LINGO1: variants seen among roughly 807,000 people sequenced by gnomAD.
LINGO1 encodes the protein leucine rich repeat and Ig domain containing 1, also known as leucine-rich repeat and immunoglobulin-like domain-containing nogo receptor-interacting protein 1.
A neutral mutation model predicts 37.3 loss-of-function variants in LINGO1; 11 were observed. The ratio of observed to expected loss-of-function variants is 0.29; its 90% CI spans 0.19 to 0.49. The LOEUF is 0.49. LINGO1 is among the 20% of genes least tolerant of loss of function. The pLI, the probability that LINGO1 is intolerant of heterozygous loss-of-function variation, is 0.99. For synonymous variants in LINGO1, 387 were observed against 403.0 expected (o/e 0.96, Z 0.48); for missense variants, 585 against 878.2 (o/e 0.67, Z 4.22).
intron 1 of LINGO1, among the ~76,000 whole-genome samples, chr15:77,617,011 C>T (rs1001775065): frequency 4.6e-5 from 7 of 152,190 alleles, no homozygotes; most frequent in African/African-American, 1.7e-4. Flanking sequence ...CAGATTCCCA[C>T]AGGCCAGGAT....
At chr15:77,712,931 C>T (rs757511525) in intron 2 of LINGO1, among the ~76,000 whole-genome samples, 2 of 152,192 alleles carry the variant, frequency 1.3e-5, no homozygotes, top group Non-Finnish European at 2.9e-5. Flanking sequence ...CCTGTCTCTC[C>T]CTCTTTTCTG....
chr15:77,694,116 T>C (rs1041761565), intron 1 of LINGO1, among the ~76,000 whole-genome samples: 1 of 152,144 alleles, frequency 6.6e-6, no homozygotes, highest in Non-Finnish European at 1.5e-5. Flanking sequence ...ATTTCTGCCA[T>C]GAGCTTCTTC....
chr15:77,698,080 A>G (rs1233237021), upstream of LINGO1, among the ~76,000 whole-genome samples: 5 of 152,066 alleles, frequency 3.3e-5, no homozygotes, highest in Admixed American at 3.3e-4. Context: ...GGACAGGAGG[A>G]AGTGAGTTAG....
At position 77,761,929 on chromosome 15, in the gene LINGO1, TG is replaced by T. The variant is rs1726686135; in HGVS notation, c.-257+24939del. On this transcript the variant is annotated intron_variant, in intron 1 of 3. Coordinates refer to the LINGO1 transcript ENST00000561686. ...CCATCTGTGGAGTGGACATGAGTGA[TG>T]GAGTGAGGCCGGGATGTGATGTGCA... Among the ~76,000 whole-genome samples, 5 of 152,210 alleles carry T rather than the reference TG, an allele frequency of 3.3e-5. No homozygotes were observed. The South Asian group carries it at 8.3e-4, about 25-fold the overall frequency.
In LINGO1 at chr15:77,747,354, T is replaced by C. The variant is rs539207038; in HGVS notation, c.-256-12301A>G. The stretch of plus-strand genomic sequence containing the variant: ...GGGGGTGGGGTGGGTGCTGTCTTAA[T>C]GAACAGATAAGATCCATCATGCTCA... On this transcript the variant is annotated intron_variant, in intron 1 of 3. Coordinates refer to the LINGO1 transcript ENST00000561686. Among the ~76,000 whole-genome samples, 5 of 152,220 alleles carry C rather than the reference T, an allele frequency of 3.3e-5. No individual in the cohort carries two copies. In the East Asian group the frequency reaches 9.7e-4, roughly 29 times the overall value.
intron 3 of LINGO1, among the ~76,000 whole-genome samples, chr15:77,644,164 G>A (rs975797321): frequency 6.6e-6 from 1 of 152,216 alleles, no homozygotes; most frequent in African/African-American, 2.4e-5. Context: ...TTGTGTTGTC[G>A]AACTCTGTGG....
Position 77,718,401 on chromosome 15 carries a change from C to T in LINGO1, c.-195+16591G>A, listed in dbSNP as rs550888946. Among the ~76,000 whole-genome samples the T allele has an allele frequency of 2.0e-3, 309 of 151,098 alleles. 2 individuals are homozygous for T. The highest frequency in any genetic ancestry group is 7.2e-3 in the African/African-American group (300 of 41,524). Reference sequence around the variant, plus strand: ...GCATGTGATATGCACACAGCGCCCACATGTATACACACACGTGTCAACATG... The same window carrying T: ...GCATGTGATATGCACACAGCGCCCATATGTATACACACACGTGTCAACATG... On this transcript the variant is annotated intron_variant, in intron 2 of 3. Coordinates refer to the LINGO1 transcript ENST00000561686.
At chr15:77,725,896 G>A (rs1596159981) in intron 2 of LINGO1, among the ~76,000 whole-genome samples, 2 of 152,198 alleles carry the variant, frequency 1.3e-5, no homozygotes, top group Non-Finnish European at 2.9e-5. Context: ...TAGAGCGGCC[G>A]CCCCACCACT....
chr15:77,672,226 C>G (rs767702660), intron 3 of LINGO1, among the ~76,000 whole-genome samples: 3 of 151,410 alleles, frequency 2.0e-5, no homozygotes, highest in Non-Finnish European at 4.4e-5. Context: ...CTCTCAAGCC[C>G]GGGGGGAAGC....
chr15:77,761,478 C>T (rs2076476598), intron 1 of LINGO1, among the ~76,000 whole-genome samples: 1 of 152,182 alleles, frequency 6.6e-6, no homozygotes, highest in Admixed American at 6.5e-5. Context: ...GACATAACAA[C>T]CAGTTTAAAG....
In LINGO1 at chr15:77,632,477, T is replaced by C; in HGVS notation, c.-162A>G. ...GCCCTCGCGGGGCTGGCTGTCCGTC[T>C]GTCCGCCCCGCGCGGGCGGGAGCCG... On this transcript the variant is annotated 5_prime_UTR_variant, in exon 1 of 2. Transcript: ENST00000355300. This position sits in a 1 kb window ranked among gnomAD's most constrained non-coding sequence, Gnocchi z 6.0. The C allele has an allele frequency of 3.0e-6, 2 of 658,354 alleles. No individual in the cohort carries two copies. Among genetic ancestry groups the C allele is most frequent in the Non-Finnish European group, 4.2e-6 (2 of 475,140 alleles). The allele number at this position is 658,354 out of a possible 1,614,324, so 40.8% of individuals were successfully genotyped here.
chr15:77,686,570 C>A (rs562864987), intron 2 of LINGO1, among the ~76,000 whole-genome samples: 1 of 152,204 alleles, frequency 6.6e-6, no homozygotes, highest in South Asian at 2.1e-4. Flanking sequence ...CAGCCCAGTG[C>A]CCCCACCGTC....
chr15:77,711,762 C>T (rs966615463), intron 2 of LINGO1, among the ~76,000 whole-genome samples: 7 of 152,166 alleles, frequency 4.6e-5, no homozygotes, highest in South Asian at 4.1e-4. Flanking sequence ...AGGCAACAGG[C>T]GGCTCTGGAA....
At chr15:77,789,910 C>G (rs760167970), upstream of LINGO1, among the ~76,000 whole-genome samples, 1 of 152,106 alleles carries the variant, frequency 6.6e-6, no homozygotes, top group Non-Finnish European at 1.5e-5. Flanking sequence ...TAGCTGGGAC[C>G]ACAGGTGTGT....
chr15:77,745,824 G>T (rs879455189), intron 1 of LINGO1, among the ~76,000 whole-genome samples: 4 of 152,168 alleles, frequency 2.6e-5, no homozygotes, highest in Admixed American at 2.6e-4. Context: ...CCTCTAGCAG[G>T]GATGGATGTT....
At chr15:77,624,647 G>A (rs1056692324) in intron 1 of LINGO1, among the ~76,000 whole-genome samples, 4 of 152,184 alleles carry the variant, frequency 2.6e-5, no homozygotes, top group African/African-American at 7.2e-5. Flanking sequence ...AGTGAGAGTC[G>A]GGCAGGGCTG....
chr15:77,641,811 T>C (rs2074513076), intron 3 of LINGO1: 1 of 455,030 alleles, frequency 2.2e-6, no homozygotes, highest in South Asian at 1.6e-5. Flanking sequence ...AGATAGCAGC[T>C]GGACAAACCT....
At chr15:77,698,533 G>C (rs963547426), upstream of LINGO1, among the ~76,000 whole-genome samples, 5 of 152,154 alleles carry the variant, frequency 3.3e-5, no homozygotes, top group Non-Finnish European at 7.3e-5. Flanking sequence ...CACCAGGCAG[G>C]AGCTGTGGAA....
At position 77,632,379 on chromosome 15, in the gene LINGO1, C is replaced by T; in HGVS notation, c.-64G>A. ...TCGCATGTCTCTCCAGCCGGCCCGA[C>T]CAGGCCCCAGCCCCTGCCCAGCCCC... On this transcript the variant is annotated 5_prime_UTR_variant, in exon 1 of 2. Coordinates refer to ENST00000355300, the MANE Select transcript of LINGO1 (RefSeq NM_032808.7). The surrounding 1 kb of genome is among the most constrained non-coding windows in gnomAD (Gnocchi z 6.0). 1 of 1,354,126 alleles carries T rather than the reference C, an allele frequency of 7.4e-7. No individual in the cohort carries two copies. The highest frequency in any genetic ancestry group is 9.5e-7 in the Non-Finnish European group (1 of 1,048,616). The allele number at this position is 1,354,126 out of a possible 1,614,324, so 83.9% of individuals were successfully genotyped here.
Sources: gnomAD v4.1 joint callset for allele counts (sites outside exome capture counted in the v4.1 genomes callset) on GRCh38, gnomAD v4.1.1 for gene constraint, Gnocchi (gnomAD v3.1) non-coding constraint, MANE v1.5 for transcripts, NCBI Gene and HGNC (gene_info 2026-07-23, HGNC 2026-07-21) for gene names.